Variants in BPIFA2 observed in about 807,000 individuals in gnomAD.
The protein encoded by BPIFA2 is BPI fold containing family A member 2.
BPIFA2 carries 20 observed loss-of-function variants against 25.7 expected under a neutral mutation model. The observed-to-expected ratio is 0.78, with a 90% CI of 0.55 to 1.13. The LOEUF (loss-of-function observed/expected upper bound fraction) is 1.13. Among genes scored for constraint, BPIFA2 ranks in the 50% most tolerant of loss-of-function variants. BPIFA2 has a pLI of 0.00. For missense variants in BPIFA2, 300 were observed against 298.1 expected (o/e 1.01, Z -0.05); for synonymous variants, 126 against 124.3 (o/e 1.01, Z -0.09).
At chr20:33,164,269 G>A (rs1983658499), upstream of BPIFA2, among the ~76,000 whole-genome samples, 2 of 152,224 alleles carry the variant, frequency 1.3e-5, no homozygotes, top group Non-Finnish European at 1.5e-5. Flanking sequence ...GGAGGATCTG[G>A]AAGATGAGAG....
chr20:33,166,161 T>C (rs1465224992), upstream of BPIFA2, among the ~76,000 whole-genome samples: 1 of 152,094 alleles, frequency 6.6e-6, no homozygotes, highest in Non-Finnish European at 1.5e-5. Flanking sequence ...GGATTACAGA[T>C]GCCTGCCCCC....
chr20:33,173,292 T>G (rs10485501), intron 3 of BPIFA2, among the ~76,000 whole-genome samples: 14,047 of 152,132 alleles, frequency 0.092, 2,128 homozygotes, highest in African/African-American at 0.31. Context: ...GGGCTTCCGC[T>G]TTCTTTAATT....
intron 1 of BPIFA2, among the ~76,000 whole-genome samples, chr20:33,162,182 T>G (rs1401073844): frequency 6.6e-6 from 1 of 152,164 alleles, no homozygotes; most frequent in African/African-American, 2.4e-5. Context: ...GATTTCACCA[T>G]GTTGGCCAGG....
chr20:33,172,651 T>C (rs1040770064), intron 2 of BPIFA2, among the ~76,000 whole-genome samples: 40 of 152,250 alleles, frequency 2.6e-4, no homozygotes, highest in African/African-American at 9.4e-4. Context: ...GCCAACTGGT[T>C]GATTGCACTG....
upstream of BPIFA2, among the ~76,000 whole-genome samples, chr20:33,164,592 C>T (rs141909088): frequency 2.4e-4 from 37 of 151,932 alleles, 1 homozygote; most frequent in East Asian, 7.1e-3. Context: ...TTCCTTCCCT[C>T]TCTCCTTTCC....
intron 3 of BPIFA2, 106 bp downstream of exon 3, chr20:33,173,182 C>A: frequency 7.2e-7 from 1 of 1,381,726 alleles, no homozygotes; most frequent in Non-Finnish European, 9.9e-7. Context: ...CCTCATTCCC[C>A]TCCCACAGAG....
intron 1 of BPIFA2, among the ~76,000 whole-genome samples, chr20:33,162,740 C>T (rs903178809): frequency 2.0e-5 from 3 of 152,190 alleles, no homozygotes; most frequent in Admixed American, 1.3e-4. Context: ...TGAGGTCTGG[C>T]TGGTTACCCA....
At chr20:33,178,346 G>A in intron 6 of BPIFA2, 118 bp downstream of exon 6, 1 of 735,374 alleles carries the variant, frequency 1.4e-6, no homozygotes, top group South Asian at 2.0e-5. Flanking sequence ...CTTCTCCTTA[G>A]GAGGTCAGCT....
rs1983954251 is a variant in BPIFA2, at chr20:33,173,035, T to G, written c.261T>G (p.Asn87Lys). 6.2e-7 allele frequency: 1 copy of G among 1,613,872 alleles called. No homozygotes were observed. The highest frequency in any genetic ancestry group is 1.7e-5 in the Admixed American group (1 of 59,972). Residue 87 changes from asparagine (N) to lysine (K), a missense_variant, in exon 3 of 9, where the codon AAT becomes AAG. Physicochemically the swap from Asn to Lys is moderately conservative, Grantham distance 94. Transcript: ENST00000354932. ...KAQEAEKLLN[N>K]VISKLLPTNT... ...AGGAAGCTGAGAAATTGCTGAACAA[T>G]GTCATTTCTAAGCTGCTTCCAACTA... is the stretch of plus-strand genomic sequence containing the variant.
upstream of BPIFA2, among the ~76,000 whole-genome samples, chr20:33,166,410 C>T (rs1054587975): frequency 9.2e-5 from 14 of 152,304 alleles, no homozygotes; most frequent in African/African-American, 3.1e-4. Flanking sequence ...GGACCATATG[C>T]GCACATATTC....
intron 2 of BPIFA2, among the ~76,000 whole-genome samples, chr20:33,172,416 AT>A (rs1983927575): frequency 6.6e-6 from 1 of 150,498 alleles, no homozygotes; most frequent in Non-Finnish European, 1.5e-5. Flanking sequence ...AAAAAAAATT[AT>A]TATTATTGCT....
At chr20:33,167,728 A>G (rs953725522), upstream of BPIFA2, among the ~76,000 whole-genome samples, 2 of 152,070 alleles carry the variant, frequency 1.3e-5, no homozygotes, top group Non-Finnish European at 2.9e-5. Flanking sequence ...TTCTAGACCC[A>G]TCTCGGTCCC....
chr20:33,168,012 T>C (rs556037252), upstream of BPIFA2: 6 of 152,338 alleles, frequency 3.9e-5, no homozygotes, highest in Admixed American at 2.0e-4. Context: ...GACCTTTGAG[T>C]TGGAAATCTC....
At chr20:33,173,115 GA>G (rs1246029659) in intron 3 of BPIFA2, 39 bp downstream of exon 3, 1 of 1,598,926 alleles carries the variant, frequency 6.3e-7, no homozygotes, top group Admixed American at 1.7e-5. Context: ...TTGCTCTAAG[GA>G]AAGGGAAAAC....
At chr20:33,163,046 C>T (rs1983624561) in intron 1 of BPIFA2, among the ~76,000 whole-genome samples, 1 of 152,290 alleles carries the variant, frequency 6.6e-6, no homozygotes, top group Non-Finnish European at 1.5e-5. Flanking sequence ...TTGGCCTCTG[C>T]CCCTGCTGGT....
upstream of BPIFA2, among the ~76,000 whole-genome samples, chr20:33,163,472 T>A (rs1983635954): frequency 6.6e-6 from 1 of 151,980 alleles, no homozygotes; most frequent in African/African-American, 2.4e-5. Flanking sequence ...GCTAGCGCAA[T>A]GGAGATGAAT....
At chr20:33,178,023 G>C in intron 5 of BPIFA2, 124 bp from the exon 6 acceptor site, 1 of 621,512 alleles carries the variant, frequency 1.6e-6, no homozygotes, top group Non-Finnish European at 2.8e-6. Flanking sequence ...GTCTGTTAAA[G>C]TGTCTCCATG....
Position 33,175,504 on chromosome 20 carries a change from G to T in BPIFA2, c.508G>T (p.Val170Phe), listed in dbSNP as rs760718501. 6.2e-7 allele frequency: 1 copy of T among 1,614,114 alleles called. No individual in the cohort carries two copies. Among genetic ancestry groups the T allele is most frequent in the Non-Finnish European group, 8.5e-7 (1 of 1,180,000 alleles). The change falls in exon 5 of 9, where the codon GTC becomes TTC. Residue 170 changes from valine (V) to phenylalanine (F), a missense_variant. By Grantham distance (50) the Val-to-Phe change is conservative (BLOSUM62 -1). Coordinates refer to ENST00000354932, the MANE Select transcript of BPIFA2 (RefSeq NM_080574.4). ...TDPQTHQPVA[V>F]LGECASDPTS... The stretch of plus-strand genomic sequence containing the variant: ...TCCCCAGACACACCAGCCTGTTGCC[G>T]TCCTGGGAGAATGCGCCAGTGACCC...
chr20:33,177,957 G>A (rs1459223808), intron 5 of BPIFA2, among the ~76,000 whole-genome samples, 190 bp from the exon 6 acceptor site: 3 of 152,178 alleles, frequency 2.0e-5, no homozygotes, highest in Admixed American at 2.0e-4. Flanking sequence ...GCACTGGGGT[G>A]AGCCGCTGGT....
Sources: gnomAD v4.1 joint callset for allele counts (sites outside exome capture counted in the v4.1 genomes callset) on GRCh38, gnomAD v4.1.1 for gene constraint, MANE v1.5 for transcripts, NCBI Gene and HGNC (gene_info 2026-07-23, HGNC 2026-07-21) for gene names.